The following ARHGEF3 variants were observed in gnomAD, a reference collection of about 807,000 sequenced individuals.
ARHGEF3 encodes the protein Rho guanine nucleotide exchange factor 3, also known as 59.8 kDA protein.
In ARHGEF3, 28 loss-of-function variants were observed where a neutral mutation model predicts 63.2. That is an observed-to-expected ratio of 0.44 (90% CI 0.33 to 0.61). The LOEUF is 0.61. Among genes scored for constraint, ARHGEF3 ranks in the 20% least tolerant of loss-of-function variants. The probability of loss-of-function intolerance (pLI) is 0.03; values close to 1 mark genes in which losing one functional copy is unlikely to be tolerated. For synonymous variants in ARHGEF3, 266 were observed against 254.2 expected (o/e 1.05, Z -0.44); for missense variants, 533 against 659.3 (o/e 0.81, Z 2.10).
At chr3:56,977,047 A>G (rs9882789) in intron 2 of ARHGEF3, among the ~76,000 whole-genome samples, 81,556 of 151,722 alleles carry the variant, frequency 0.54, 22,305 homozygotes, top group Middle Eastern at 0.63. Flanking sequence ...TAATCCTCAC[A>G]GGGGCCCTGT....
At chr3:56,896,114 G>C (rs2041294297) in intron 3 of ARHGEF3, among the ~76,000 whole-genome samples, 1 of 152,060 alleles carries the variant, frequency 6.6e-6, no homozygotes, top group African/African-American at 2.4e-5. Context: ...TTTTTCTTGG[G>C]GAGGGCAGAG....
At chr3:56,887,979 A>G (rs1273497791) in intron 3 of ARHGEF3, among the ~76,000 whole-genome samples, 1 of 152,224 alleles carries the variant, frequency 6.6e-6, no homozygotes. Context: ...GCAAAAGGGC[A>G]GCCAAAATTA....
At chr3:56,731,933 A>G (rs893039492) in intron 9 of ARHGEF3, 1 of 560,476 alleles carries the variant, frequency 1.8e-6, no homozygotes, top group Non-Finnish European at 3.2e-6. Context: ...TTTTTATCCA[A>G]TGGAAAAAGA....
intron 2 of ARHGEF3, among the ~76,000 whole-genome samples, chr3:57,021,823 T>C (rs1703272126): frequency 1.3e-5 from 2 of 151,636 alleles, no homozygotes; most frequent in African/African-American, 2.4e-5. Context: ...TCATACTGAC[T>C]AGAAAGGAAG....
intron 4 of ARHGEF3, among the ~76,000 whole-genome samples, chr3:56,835,548 C>G (rs1192554286): frequency 1.3e-5 from 2 of 152,118 alleles, no homozygotes; most frequent in Non-Finnish European, 2.9e-5. Flanking sequence ...ATAAGACATG[C>G]TAAATAATAT....
At chr3:56,736,049 A>AACACACACACACACACAC (rs10530565) in intron 8 of ARHGEF3, among the ~76,000 whole-genome samples, 49 of 147,182 alleles carry the variant, frequency 3.3e-4, no homozygotes, top group African/African-American at 1.2e-3. Context: ...CAGAAATTTA[A>AACACACACACACACACAC]ACACACACAC....
intron 3 of ARHGEF3, among the ~76,000 whole-genome samples, chr3:56,897,546 C>T (rs974365386): frequency 6.6e-6 from 1 of 151,922 alleles, no homozygotes; most frequent in African/African-American, 2.4e-5. Flanking sequence ...GCTTTCATTT[C>T]CAATCTATCT....
chr3:56,936,633 T>C (rs1349598105), intron 3 of ARHGEF3, among the ~76,000 whole-genome samples: 2 of 152,148 alleles, frequency 1.3e-5, no homozygotes, highest in Non-Finnish European at 2.9e-5. Context: ...AATTACCAGA[T>C]TACAAGAAAT....
At chr3:57,013,921 C>T (rs540361288) in intron 2 of ARHGEF3, among the ~76,000 whole-genome samples, 8 of 152,192 alleles carry the variant, frequency 5.3e-5, no homozygotes, top group African/African-American at 1.7e-4. Context: ...GAGCCAGCAG[C>T]GGCAACTCTT....
intron 3 of ARHGEF3, among the ~76,000 whole-genome samples, chr3:56,923,050 AT>A (rs1560053739): frequency 0.17 from 4,114 of 23,698 alleles, 419 homozygotes; most frequent in African/African-American, 0.26. Context: ...ATATATATAT[AT>A]ATATATATAT....
intron 4 of ARHGEF3, among the ~76,000 whole-genome samples, chr3:56,855,058 A>G (rs2039820911): frequency 6.6e-6 from 1 of 152,106 alleles, no homozygotes. Flanking sequence ...TGGCCAAGGC[A>G]GTTGAGTCAC....
chr3:56,982,761 C>T (rs1701374641), intron 2 of ARHGEF3, among the ~76,000 whole-genome samples: 1 of 152,174 alleles, frequency 6.6e-6, no homozygotes, highest in Non-Finnish European at 1.5e-5. Flanking sequence ...CCCCACCTGT[C>T]TGCTGCCTTG....
chr3:57,056,869 C>T (rs955026346), intron 1 of ARHGEF3, among the ~76,000 whole-genome samples: 2 of 151,754 alleles, frequency 1.3e-5, no homozygotes, highest in Non-Finnish European at 2.9e-5. Flanking sequence ...ATCCTTCTAT[C>T]CCACCATGGT....
chr3:56,742,218 G>A (rs1271724179), intron 7 of ARHGEF3, among the ~76,000 whole-genome samples: 1 of 152,016 alleles, frequency 6.6e-6, no homozygotes, highest in Non-Finnish European at 1.5e-5. Context: ...TGAGGTGGGG[G>A]GAAGGGATGC....
chr3:57,030,123 C>T (rs1312455581), intron 2 of ARHGEF3, among the ~76,000 whole-genome samples: 1 of 152,192 alleles, frequency 6.6e-6, no homozygotes, highest in Non-Finnish European at 1.5e-5. Context: ...CTGCCTGCAG[C>T]GCTGGGGCAA....
intron 2 of ARHGEF3, among the ~76,000 whole-genome samples, chr3:56,761,586 T>C (rs182648126): frequency 5.1e-4 from 77 of 152,268 alleles, no homozygotes; most frequent in African/African-American, 1.8e-3. Context: ...GCAACTGATA[T>C]AGTAAGACCT....
intron 1 of ARHGEF3, among the ~76,000 whole-genome samples, chr3:56,777,686 C>CT (rs2036351367): frequency 6.6e-6 from 1 of 152,168 alleles, no homozygotes; most frequent in Non-Finnish European, 1.5e-5. Flanking sequence ...CCTGCACTTC[C>CT]TTTTTGCAGC....
intron 1 of ARHGEF3, among the ~76,000 whole-genome samples, chr3:57,040,619 T>C (rs1704148844): frequency 6.6e-6 from 1 of 151,996 alleles, no homozygotes; most frequent in South Asian, 2.1e-4. Flanking sequence ...AAAGTTCTGT[T>C]TCTTAATACA....
chr3:56,871,311 A>C (rs2040425619), intron 4 of ARHGEF3, among the ~76,000 whole-genome samples: 1 of 152,210 alleles, frequency 6.6e-6, no homozygotes, highest in Admixed American at 6.5e-5. Flanking sequence ...CTAAAAAATA[A>C]AATATTTTTC....
Sources: gnomAD v4.1 joint callset for allele counts (sites outside exome capture counted in the v4.1 genomes callset) on GRCh38, gnomAD v4.1.1 for gene constraint, MANE v1.5 for transcripts, NCBI Gene and HGNC (gene_info 2026-07-23, HGNC 2026-07-21) for gene names.